AARS1: variants seen among roughly 807,000 people sequenced by gnomAD.
AARS1 encodes alanine--tRNA ligase, cytoplasmic.
A neutral mutation model predicts 108.9 loss-of-function variants in AARS1; 72 were observed. The observed-to-expected ratio is 0.66, with a 90% CI of 0.55 to 0.80. The LOEUF is 0.80. Ranked by LOEUF, AARS1 falls within the 30% of genes least tolerant of loss-of-function variation. The probability of loss-of-function intolerance (pLI) is 0.00; values close to 1 mark genes in which losing one functional copy is unlikely to be tolerated. For missense variants in AARS1, 1,193 were observed against 1,233.2 expected (o/e 0.97, Z 0.49); for synonymous variants, 489 against 465.7 (o/e 1.05, Z -0.64).
In AARS1 at chr16:70,252,774, G is replaced by C; in HGVS notation, c.2854C>G (p.Leu952Val). 1.2e-6 allele frequency: 2 copies of C among 1,614,222 alleles called. No homozygotes were observed. The highest frequency in any genetic ancestry group is 1.7e-6 in the Non-Finnish European group (2 of 1,180,046). The change falls in exon 21 of 21, where the codon CTG (leucine) becomes GTG (valine). Residue 952 changes from leucine to valine, a missense_variant. By Grantham distance (32) the Leu-to-Val change is conservative. Coordinates refer to ENST00000261772, the MANE Select transcript of AARS1 (RefSeq NM_001605.3). ...GKNVGCLQEA[L>V]QLATSFAQLR... ...TGGGCGAAGGAAGTGGCCAGCTGCA[G>C]CGCCTCCTGCAGGCAGCCAACGTTC... is the stretch of plus-strand genomic sequence containing the variant.
In AARS1 at chr16:70,253,382, CT is replaced by C; in HGVS notation, c.2608-2del. 6.2e-7 allele frequency: 1 copy of C among 1,612,368 alleles called. No individual in the cohort carries two copies. The highest frequency in any genetic ancestry group is 1.7e-4 in the Middle Eastern group (1 of 6,058). On this transcript the variant is annotated splice_acceptor_variant, in intron 19 of 20. Coordinates refer to ENST00000261772, the MANE Select transcript of AARS1 (RefSeq NM_001605.3). LOFTEE classifies it high-confidence loss of function. ...AGAGCTTCAAGGCTTCATTCAGGGC[CT>C]GTGGGGAGGACCTGGCTCAGGCCAC...
chr16:70,259,310 A>T, intron 13 of AARS1, 124 bp from the exon 14 acceptor site: 1 of 1,031,004 alleles, frequency 9.7e-7, no homozygotes. Flanking sequence ...TAAAGGTTAC[A>T]TTTCCCAGCT....
chr16:70,257,018 G>C (rs1274616614), intron 15 of AARS1, among the ~76,000 whole-genome samples: 2 of 152,238 alleles, frequency 1.3e-5, no homozygotes, highest in Non-Finnish European at 2.9e-5. Context: ...GGGAGGCTGA[G>C]GTGGGTGGCT....
chr16:70,272,928 G>C (rs866950879), intron 4 of AARS1, among the ~76,000 whole-genome samples: 16 of 81,156 alleles, frequency 2.0e-4, no homozygotes, highest in South Asian at 1.2e-3. Flanking sequence ...ACACACAAAA[G>C]ATTGTGCTTG....
intron 13 of AARS1, among the ~76,000 whole-genome samples, chr16:70,260,599 A>G (rs1960108996): frequency 6.6e-6 from 1 of 152,168 alleles, no homozygotes; most frequent in Non-Finnish European, 1.5e-5. Flanking sequence ...CATCCCTCAC[A>G]ATCCACCAAA....
At chr16:70,258,432 A>C (rs527876704) in intron 14 of AARS1, among the ~76,000 whole-genome samples, 2 of 152,154 alleles carry the variant, frequency 1.3e-5, no homozygotes, top group Admixed American at 6.5e-5. Context: ...ACCAAATCTC[A>C]TATGTGAACA....
chr16:70,276,861 AGAT>A, intron 3 of AARS1, 102 bp downstream of exon 3: 2 of 1,349,936 alleles, frequency 1.5e-6, no homozygotes, highest in Non-Finnish European at 2.1e-6. Context: ...TGAATCACCT[AGAT>A]GATATTTCAT....
chr16:70,279,621 T>C (rs1408809392), intron 2 of AARS1, among the ~76,000 whole-genome samples: 2 of 146,280 alleles, frequency 1.4e-5, no homozygotes, highest in African/African-American at 2.5e-5. Context: ...GATTTCACCA[T>C]TGCACTCCAG....
Position 70,272,889 on chromosome 16 carries a change from GACACACACACACAC to G in AARS1, c.480-931_480-918del, listed in dbSNP as rs71928705. On this transcript the variant is annotated intron_variant, in intron 4 of 20. Coordinates refer to ENST00000261772, the MANE Select transcript of AARS1 (RefSeq NM_001605.3). ...CATGCCACTGCACTCCAGCCTGGGTGACACACACACACACACACACACACACACACACACAAAAG... is the reference window on the plus strand; with the variant it reads ...CATGCCACTGCACTCCAGCCTGGGTGACACACACACACACACACACAAAAG... Among the ~76,000 whole-genome samples, 247 of 140,384 alleles carry G rather than the reference GACACACACACACAC, an allele frequency of 1.8e-3. 3 individuals carry two copies. In the East Asian group the frequency reaches 0.04, roughly 22 times the overall value. The allele number at this position is 140,384 out of a possible 152,430, so 92.1% of individuals were successfully genotyped here. A position where few individuals can be genotyped will look rare whatever the true frequency, so the allele number is the denominator to read the frequency against.
chr16:70,257,904 A>C, intron 15 of AARS1, 129 bp downstream of exon 15: 1 of 1,012,092 alleles, frequency 9.9e-7, no homozygotes. Context: ...TGGGAACGCT[A>C]TTTAGCAACG....
rs750982389 is a variant in AARS1 at position 70,276,478 on chromosome 16, A to G, written c.479+8T>C. 5.0e-6 allele frequency: 8 copies of G among 1,613,914 alleles called. No individual in the cohort carries two copies. Among genetic ancestry groups the G allele is most frequent in the Non-Finnish European group, 6.8e-6 (8 of 1,179,934 alleles). ...TCCATACTCTCAAGAAGTGATGTGCATTCTTACCCCAAATTTTGCCAGATC... is the reference window on the plus strand; with the variant it reads ...TCCATACTCTCAAGAAGTGATGTGCGTTCTTACCCCAAATTTTGCCAGATC... On this transcript the variant is annotated splice_region_variant and intron_variant, in intron 4 of 20. Coordinates refer to ENST00000261772, the MANE Select transcript of AARS1 (RefSeq NM_001605.3).
At chr16:70,264,402 T>C (rs1011927869) in intron 11 of AARS1, among the ~76,000 whole-genome samples, 16 of 151,580 alleles carry the variant, frequency 1.1e-4, no homozygotes, top group Admixed American at 9.2e-4. Context: ...CTGCAACCTC[T>C]GCCTCCCAGG....
chr16:70,272,506 CAAAAAAAAAAAAAAA>C (rs34129241), intron 4 of AARS1, among the ~76,000 whole-genome samples: 2 of 17,020 alleles, frequency 1.2e-4, no homozygotes, highest in Admixed American at 1.3e-3. Context: ...AACTCCATCT[CAAAAAAAAAAAAAAA>C]AAAAAAAAAA....
chr16:70,269,430 G>GT (rs1158657537), intron 7 of AARS1, among the ~76,000 whole-genome samples, 188 bp downstream of exon 7: 17 of 150,718 alleles, frequency 1.1e-4, no homozygotes, highest in African/African-American at 3.9e-4. Flanking sequence ...CCAGCTACGT[G>GT]GGAGGCTGAG....
In AARS1 at chr16:70,271,927, G is replaced by C. The variant is rs369147317; in HGVS notation, c.525C>G (p.Phe175Leu). ...KILPGNMKDN[F>L]WEMGDTGPCG... ...AGGGGCCCGTGTCACCCATCTCCCA[G>C]AAGTTATCCTTCATGTTGCCTGGGA... The change falls in exon 5 of 21, where the codon TTC becomes TTG. Residue 175 changes from phenylalanine (F) to leucine (L), a missense_variant. Transcript: ENST00000261772. 6.2e-6 allele frequency: 10 copies of C among 1,614,118 alleles called. No homozygotes were observed. The highest frequency in any genetic ancestry group is 1.7e-5 in the Admixed American group (1 of 60,004).
intron 15 of AARS1, among the ~76,000 whole-genome samples, chr16:70,256,886 G>A (rs1159928186): frequency 1.3e-5 from 2 of 151,486 alleles, no homozygotes; most frequent in South Asian, 2.1e-4. Context: ...AGGCTGAGGC[G>A]GGTGGGTCAC....
rs1466718461 is a variant in AARS1, at chr16:70,277,223, G to C, written c.145-69C>G. On this transcript the variant is annotated intron_variant, in intron 2 of 20. Coordinates refer to ENST00000261772, the MANE Select transcript of AARS1 (RefSeq NM_001605.3). ...GATGTCAGGTGGCCACACACTAGCA[G>C]GAAGAGACGACCACACACTAACTGT... is the stretch of plus-strand genomic sequence containing the variant. 10 of 1,453,832 alleles carry C rather than the reference G, an allele frequency of 6.9e-6. No individual in the cohort carries two copies. The African/African-American group carries it at 7.0e-5, about 10-fold the overall frequency. 90.1% of individuals were successfully genotyped at this position (1,453,832 alleles called of 1,614,324 possible). A position where few individuals can be genotyped will look rare whatever the true frequency, so the allele number is the denominator to read the frequency against.
Position 70,282,672 on chromosome 16 carries a change from G to A in AARS1, c.92C>T (p.Thr31Ile), listed in dbSNP as rs1960731059. The A allele has an allele frequency of 2.5e-6, 4 of 1,614,088 alleles. No individual in the cohort carries two copies. The highest frequency in any genetic ancestry group is 1.3e-5 in the African/African-American group (1 of 74,926). The change falls in exon 2 of 21, where the codon ACC becomes ATC. Residue 31 changes from threonine (T) to isoleucine (I), a missense_variant. Transcript: ENST00000261772. ...CAAAGTGGGGTCATCCAATGGGATG[G>A]TGGCAGACGAGTGAACATACGTATG... Reference protein sequence around the residue: ...NEHTYVHSSATIPLDDPTLLF... With the variant: ...NEHTYVHSSAIIPLDDPTLLF...
chr16:70,279,023 T>C (rs1166329481), intron 2 of AARS1, among the ~76,000 whole-genome samples: 2 of 152,122 alleles, frequency 1.3e-5, no homozygotes, highest in Non-Finnish European at 2.9e-5. Flanking sequence ...ACACAGTAAG[T>C]GCTGCATGCA....
Sources: allele counts gnomAD v4.1 joint callset (sites outside exome capture counted in the v4.1 genomes callset), GRCh38; gene constraint gnomAD v4.1.1; transcripts MANE v1.5; gene names NCBI Gene and HGNC (gene_info 2026-07-23, HGNC 2026-07-21).